The following TNKS2 variants were observed in gnomAD, a reference collection of about 807,000 sequenced individuals.
The protein encoded by TNKS2 is tankyrase 2.
Under a neutral mutation model 137.6 loss-of-function variants are expected in TNKS2, and 72 were observed. That is an observed-to-expected ratio of 0.52 (90% CI 0.43 to 0.64). The LOEUF is 0.64. Among genes scored for constraint, TNKS2 ranks in the 30% least tolerant of loss-of-function variants. The pLI is 0.00. For synonymous variants in TNKS2, 516 were observed against 512.1 expected, an observed-to-expected ratio of 1.01 and a Z score of -0.10; for missense variants, 1,049 against 1,410.2, an observed-to-expected ratio of 0.74 and a Z score of 4.10.
At chr10:91,827,975 A>G (rs10509637) in intron 8 of TNKS2, among the ~76,000 whole-genome samples, 21,174 of 152,066 alleles carry the variant, frequency 0.14, 1,571 homozygotes, top group Middle Eastern at 0.19. Context: ...TCTCCAGTCT[A>G]GGAAGATATT....
At chr10:91,849,449 T>C (rs555548100) in intron 19 of TNKS2, 63 bp from the exon 20 acceptor site, 215 of 1,273,692 alleles carry the variant, frequency 1.7e-4, no homozygotes, top group African/African-American at 1.3e-3. Context: ...TTTACTGTTA[T>C]AGTGATGAAA....
chr10:91,845,472 A>G (rs1360598355), intron 17 of TNKS2, among the ~76,000 whole-genome samples: 10 of 152,228 alleles, frequency 6.6e-5, no homozygotes, highest in South Asian at 6.2e-4. Flanking sequence ...AGTAGTTATA[A>G]CATTTGAATA....
At chr10:91,810,730 A>G (rs2133596264) in intron 1 of TNKS2, among the ~76,000 whole-genome samples, 1 of 149,480 alleles carries the variant, frequency 6.7e-6, no homozygotes, top group South Asian at 2.1e-4. Context: ...GGATGGTCTC[A>G]ATCTCCTGAC....
intron 23 of TNKS2, 95 bp downstream of exon 23, chr10:91,855,783 G>A (rs1441605002): frequency 2.4e-6 from 2 of 843,518 alleles, no homozygotes; most frequent in East Asian, 3.0e-5. Flanking sequence ...TGTCTAGCCT[G>A]GTAAGTCCTT....
chr10:91,835,794 T>TA (rs1202802171), intron 12 of TNKS2, among the ~76,000 whole-genome samples: 2 of 149,394 alleles, frequency 1.3e-5, no homozygotes, highest in Non-Finnish European at 3.0e-5. Flanking sequence ...TTTTAGTAGT[T>TA]ACGGGGTTTT....
intron 1 of TNKS2, among the ~76,000 whole-genome samples, chr10:91,810,279 A>G (rs1463140064): frequency 1.3e-5 from 2 of 151,740 alleles, no homozygotes; most frequent in Non-Finnish European, 2.9e-5. Context: ...TCAGGAAGCT[A>G]AGGCAGGAGA....
intron 1 of TNKS2, chr10:91,807,037 T>G: frequency 9.5e-7 from 1 of 1,047,178 alleles, no homozygotes; most frequent in East Asian, 2.6e-5. Context: ...AAGTAAACAT[T>G]AAAAAGAAAA....
At chr10:91,850,459 C>T (rs1246385509) in intron 20 of TNKS2, among the ~76,000 whole-genome samples, 2 of 151,584 alleles carry the variant, frequency 1.3e-5, no homozygotes, top group Non-Finnish European at 2.9e-5. Context: ...TGGCTCATGC[C>T]TGTAATCCCA....
intron 8 of TNKS2, among the ~76,000 whole-genome samples, chr10:91,827,522 A>G (rs980235309): frequency 5.9e-5 from 9 of 152,206 alleles, no homozygotes; most frequent in African/African-American, 1.9e-4. Context: ...TGTTTAATCT[A>G]TGAAGCTTAT....
At chr10:91,854,247 T>G (rs1233045641) in intron 21 of TNKS2, among the ~76,000 whole-genome samples, 1 of 152,194 alleles carries the variant, frequency 6.6e-6, no homozygotes, top group African/African-American at 2.4e-5. Flanking sequence ...AAGGGCTGCG[T>G]AGTTAGTAAA....
chr10:91,824,836 C>G (rs1449596143), intron 7 of TNKS2, among the ~76,000 whole-genome samples: 1 of 152,008 alleles, frequency 6.6e-6, no homozygotes, highest in Non-Finnish European at 1.5e-5. Flanking sequence ...ATAAGTCGCA[C>G]AAGAAAAAGA....
At chr10:91,862,339 T>G (rs1842873421) in intron 26 of TNKS2, among the ~76,000 whole-genome samples, 184 bp downstream of exon 26, 1 of 152,226 alleles carries the variant, frequency 6.6e-6, no homozygotes, top group Non-Finnish European at 1.5e-5. Flanking sequence ...AACCTTTACC[T>G]AGATTTCCTA....
intron 6 of TNKS2, among the ~76,000 whole-genome samples, chr10:91,820,290 T>G (rs753015726): frequency 1.4e-4 from 22 of 152,266 alleles, no homozygotes; most frequent in Non-Finnish European, 2.8e-4. Context: ...TGTTGAGTCA[T>G]AGAGAGGGAT....
intron 9 of TNKS2, 131 bp from the exon 10 acceptor site, chr10:91,830,792 A>G (rs1354177875): frequency 1.0e-5 from 8 of 773,154 alleles, no homozygotes; most frequent in Non-Finnish European, 1.6e-5. Context: ...TCAAAAGTCA[A>G]GAGCAAAGTT....
At chr10:91,836,500 C>A (rs1429441832) in intron 12 of TNKS2, 1 of 351,848 alleles carries the variant, frequency 2.8e-6, no homozygotes, top group Non-Finnish European at 4.0e-6. Flanking sequence ...CTGAAAAAAT[C>A]TGAGAACCAG....
intron 5 of TNKS2, 57 bp downstream of exon 5, chr10:91,819,614 T>C: frequency 7.9e-6 from 10 of 1,266,414 alleles, no homozygotes; most frequent in African/African-American, 3.0e-5. Context: ...AAGATAAAGA[T>C]GTGTTTATCT....
chr10:91,804,651 C>T (rs1844268941), intron 1 of TNKS2, among the ~76,000 whole-genome samples: 2 of 152,190 alleles, frequency 1.3e-5, no homozygotes, highest in South Asian at 4.1e-4. Flanking sequence ...AGCATTTTTT[C>T]TTCCAGAAAT....
At chr10:91,798,923 A>G (rs1844060681) in intron 1 of TNKS2, 34 bp downstream of exon 1, 2 of 1,340,204 alleles carry the variant, frequency 1.5e-6, no homozygotes, top group Non-Finnish European at 1.9e-6. Flanking sequence ...GCCTCGCTCC[A>G]GACCCCACCT....
intron 22 of TNKS2, 50 bp downstream of exon 22, chr10:91,855,176 C>T (rs757241279): frequency 6.3e-6 from 7 of 1,103,490 alleles, no homozygotes; most frequent in Non-Finnish European, 9.7e-6. Context: ...ATTTAGTTCA[C>T]TTTGTATCCT....
Sources: gnomAD v4.1 joint callset for allele counts (sites outside exome capture counted in the v4.1 genomes callset) on GRCh38, gnomAD v4.1.1 for gene constraint, MANE v1.5 for transcripts, NCBI Gene and HGNC (gene_info 2026-07-23, HGNC 2026-07-21) for gene names.